The following B3GALT1 variants were observed in gnomAD, a reference collection of about 807,000 sequenced individuals.
B3GALT1 encodes UDP-Gal:betaGlcNAc beta 1,3-galactosyltransferase, polypeptide 1.
Under a neutral mutation model 23.2 loss-of-function variants are expected in B3GALT1, and 10 were observed. The ratio of observed to expected loss-of-function variants is 0.43; its 90% confidence interval spans 0.27 to 0.73. The LOEUF (loss-of-function observed/expected upper bound fraction) is 0.73. B3GALT1 is among the 30% of genes least tolerant of loss of function. The probability of loss-of-function intolerance (pLI) is 0.21; values close to 1 mark genes in which losing one functional copy is unlikely to be tolerated. For missense variants in B3GALT1, 299 were observed against 405.4 expected, an observed-to-expected ratio of 0.74 and a Z score of 2.25; for synonymous variants, 156 against 141.5, an observed-to-expected ratio of 1.10 and a Z score of -0.73.
At chr2:167,660,725 T>G (rs1459627665) in intron 3 of B3GALT1, among the ~76,000 whole-genome samples, 1 of 152,094 alleles carries the variant, frequency 6.6e-6, no homozygotes, top group Non-Finnish European at 1.5e-5. Flanking sequence ...TCCTCCTTAT[T>G]TTATTGAATG....
intron 2 of B3GALT1, among the ~76,000 whole-genome samples, chr2:167,622,749 T>C (rs1467062590): frequency 6.6e-6 from 1 of 152,150 alleles, no homozygotes; most frequent in African/African-American, 2.4e-5. Flanking sequence ...AAAAGTTTAA[T>C]ATTCAACATT....
chr2:167,623,789 A>C (rs1205507101), intron 2 of B3GALT1, among the ~76,000 whole-genome samples: 2 of 152,114 alleles, frequency 1.3e-5, no homozygotes, highest in African/African-American at 4.8e-5. Context: ...ATTTCTGATT[A>C]ATTGAACATA....
At chr2:167,867,299 G>A (rs1690253656) in intron 4 of B3GALT1, among the ~76,000 whole-genome samples, 1 of 151,980 alleles carries the variant, frequency 6.6e-6, no homozygotes, top group South Asian at 2.1e-4. Context: ...AAAACTTGCT[G>A]CACATCACAT....
At chr2:167,377,983 C>T (rs559201889) in intron 1 of B3GALT1, among the ~76,000 whole-genome samples, 368 of 152,228 alleles carry the variant, frequency 2.4e-3, no homozygotes, top group Non-Finnish European at 3.6e-3. Context: ...ATGTTTAAAA[C>T]TCCCTTAGGC....
chr2:167,383,747 C>T (rs1261114362), intron 1 of B3GALT1, among the ~76,000 whole-genome samples: 1 of 152,178 alleles, frequency 6.6e-6, no homozygotes, highest in East Asian at 1.9e-4. Flanking sequence ...CACAGTTCCC[C>T]TCTGCAGGTG....
At chr2:167,696,296 CAAAAAAA>C (rs35575073) in intron 3 of B3GALT1, among the ~76,000 whole-genome samples, 6 of 91,836 alleles carry the variant, frequency 6.5e-5, no homozygotes, top group South Asian at 4.4e-4. Flanking sequence ...TGGTAAGAGG[CAAAAAAA>C]AAAAAAAAAA....
chr2:167,864,970 A>G (rs1690181167), intron 4 of B3GALT1, among the ~76,000 whole-genome samples: 1 of 152,048 alleles, frequency 6.6e-6, no homozygotes, highest in Admixed American at 6.6e-5. Context: ...CTTCTGTTAA[A>G]AAAAAAAAGG....
At chr2:167,765,359 A>C in intron 3 of B3GALT1, among the ~76,000 whole-genome samples, 1 of 152,198 alleles carries the variant, frequency 6.6e-6, no homozygotes, top group East Asian at 1.9e-4. Context: ...CAGGTAGAGT[A>C]TAACAAGAAT....
intron 4 of B3GALT1, among the ~76,000 whole-genome samples, chr2:167,847,447 T>C (rs1277067389): frequency 6.6e-6 from 1 of 152,130 alleles, no homozygotes; most frequent in Non-Finnish European, 1.5e-5. Flanking sequence ...TTCAAAACTG[T>C]GCAAATACAT....
chr2:167,575,846 A>G (rs915030165), intron 2 of B3GALT1, among the ~76,000 whole-genome samples: 4 of 151,728 alleles, frequency 2.6e-5, no homozygotes, highest in African/African-American at 9.7e-5. Context: ...CCTGATTTTT[A>G]TGGCTTCCCC....
intron 2 of B3GALT1, among the ~76,000 whole-genome samples, chr2:167,562,639 C>T (rs1684028577): frequency 6.9e-6 from 1 of 145,656 alleles, no homozygotes; most frequent in Non-Finnish European, 1.5e-5. Context: ...GTACAAAAAT[C>T]ACAAGCATTC....
intron 1 of B3GALT1, among the ~76,000 whole-genome samples, chr2:167,452,789 A>G (rs1188554165): frequency 2.6e-5 from 4 of 152,208 alleles, no homozygotes; most frequent in Non-Finnish European, 2.9e-5. Flanking sequence ...AATGATATAC[A>G]ACAACCAAAG....
chr2:167,589,311 A>G (rs1176459908), intron 2 of B3GALT1, among the ~76,000 whole-genome samples: 1 of 152,092 alleles, frequency 6.6e-6, no homozygotes, highest in Admixed American at 6.5e-5. Context: ...TGTTTTTGAC[A>G]TGTAGAAGTT....
chr2:167,351,863 G>T (rs1574044455), intron 1 of B3GALT1, among the ~76,000 whole-genome samples: 1 of 152,090 alleles, frequency 6.6e-6, no homozygotes, highest in Middle Eastern at 3.4e-3. Context: ...TCTTGACACA[G>T]GTAATAAACT....
chr2:167,714,182 G>T, intron 3 of B3GALT1: 1 of 1,515,458 alleles, frequency 6.6e-7, no homozygotes, highest in Non-Finnish European at 9.2e-7. Flanking sequence ...ATCAGAATTA[G>T]AATAAAATCT....
intron 2 of B3GALT1, among the ~76,000 whole-genome samples, chr2:167,560,875 C>A (rs1371957353): frequency 6.6e-6 from 1 of 152,000 alleles, no homozygotes; most frequent in African/African-American, 2.4e-5. Context: ...TAACACCCCA[C>A]TGTCAACATT....
intron 3 of B3GALT1, among the ~76,000 whole-genome samples, chr2:167,788,609 C>T (rs989244714): frequency 3.9e-5 from 6 of 151,966 alleles, no homozygotes; most frequent in South Asian, 2.1e-4. Context: ...GTAATGCGAG[C>T]GATGAGGAGC....
chr2:167,444,504 T>C (rs1290281827), intron 1 of B3GALT1, among the ~76,000 whole-genome samples: 1 of 152,200 alleles, frequency 6.6e-6, no homozygotes, highest in East Asian at 1.9e-4. Context: ...TCCTGGACTT[T>C]TTTTGGTTGG....
At chr2:167,486,430 G>A (rs965971188) in intron 1 of B3GALT1, among the ~76,000 whole-genome samples, 3 of 151,056 alleles carry the variant, frequency 2.0e-5, no homozygotes, top group Non-Finnish European at 4.4e-5. Flanking sequence ...TTCCTTTAAA[G>A]TACCGTATTT....
Sources: gnomAD v4.1 joint callset for allele counts (sites outside exome capture counted in the v4.1 genomes callset) on GRCh38, gnomAD v4.1.1 for gene constraint, MANE v1.5 for transcripts, NCBI Gene and HGNC (gene_info 2026-07-23, HGNC 2026-07-21) for gene names.